Variants in DPH5 observed in about 807,000 individuals in gnomAD.
DPH5 encodes the protein diphthine methyl ester synthase.
A neutral mutation model predicts 31.6 loss-of-function variants in DPH5; 31 were observed. The observed-to-expected ratio is 0.98, with a 90% CI of 0.74 to 1.32. The LOEUF (loss-of-function observed/expected upper bound fraction) is 1.32. DPH5 is among the 40% of genes most tolerant of loss of function. DPH5 has a pLI of 0.00. For synonymous variants in DPH5, 120 were observed against 115.0 expected (o/e 1.04, Z -0.28); for missense variants, 309 against 335.7 (o/e 0.92, Z 0.62).
chr1:101,008,986 AAT>A (rs1447433448), intron 4 of DPH5, among the ~76,000 whole-genome samples: 1 of 152,116 alleles, frequency 6.6e-6, no homozygotes, highest in Non-Finnish European at 1.5e-5. Flanking sequence ...AACAACCATT[AAT>A]TACTTTCTGT....
intron 3 of DPH5, among the ~76,000 whole-genome samples, chr1:101,014,361 C>T (rs1345026022): frequency 6.6e-6 from 1 of 152,148 alleles, no homozygotes; most frequent in Non-Finnish European, 1.5e-5. Flanking sequence ...ATATAGCCAG[C>T]CACATTAATT....
At chr1:101,004,930 C>T (rs1193802746) in intron 4 of DPH5, among the ~76,000 whole-genome samples, 1 of 152,210 alleles carries the variant, frequency 6.6e-6, no homozygotes, top group Non-Finnish European at 1.5e-5. Context: ...TGCCTGACTT[C>T]TCTCTAAACA....
At chr1:101,019,165 T>C (rs561206213) in intron 3 of DPH5, among the ~76,000 whole-genome samples, 2 of 152,328 alleles carry the variant, frequency 1.3e-5, no homozygotes, top group East Asian at 3.9e-4. Context: ...GGATAGAATG[T>C]TTGAGACTGT....
At chr1:100,996,795 G>A (rs375873312) in intron 5 of DPH5, among the ~76,000 whole-genome samples, 2 of 152,198 alleles carry the variant, frequency 1.3e-5, no homozygotes, top group East Asian at 3.9e-4. Context: ...CATATATATT[G>A]GTCTTGTCTT....
In DPH5 at chr1:101,001,406, C is replaced by A. The variant is rs930944279; in HGVS notation, c.490+61G>T. The A allele has an allele frequency of 5.6e-5, 87 of 1,549,194 alleles. 1 individual carries two copies. In the Admixed American group the frequency reaches 1.5e-3, roughly 27 times the overall value. On this transcript the variant is annotated intron_variant, in intron 5 of 7. Coordinates refer to ENST00000370109, the MANE Select transcript of DPH5 (RefSeq NM_015958.3). ...TTATCCACAGACCTTAACACAAAAT[C>A]AAAATGAGAACAGTATGATAGTTCC... is the stretch of plus-strand genomic sequence containing the variant.
At chr1:100,998,397 G>A (rs1175951840) in intron 5 of DPH5, among the ~76,000 whole-genome samples, 3 of 151,704 alleles carry the variant, frequency 2.0e-5, no homozygotes, top group Non-Finnish European at 4.4e-5. Flanking sequence ...TGTAATCCCA[G>A]CCTCAGGAGG....
chr1:101,018,674 A>G (rs1660252250), intron 3 of DPH5, among the ~76,000 whole-genome samples: 1 of 152,334 alleles, frequency 6.6e-6, no homozygotes, highest in South Asian at 2.1e-4. Context: ...AACACTTGGC[A>G]CTATCCTTTT....
chr1:101,009,906 G>A (rs976828982), intron 4 of DPH5, among the ~76,000 whole-genome samples: 4 of 151,892 alleles, frequency 2.6e-5, no homozygotes, highest in Non-Finnish European at 4.4e-5. Context: ...CTCACTTCAG[G>A]GCCTTTGCAC....
intron 2 of DPH5, chr1:101,022,887 TGTAGAGGTCAAGAGTG>T (rs1660559457): frequency 6.6e-6 from 1 of 152,092 alleles, no homozygotes; most frequent in Non-Finnish European, 1.5e-5. Context: ...CACAGTACAG[TGTAGAGGTCAAGAGTG>T]GTAGACCTCG....
rs1314198053 is a variant in DPH5, at chr1:100,990,326, G to A, written c.*82C>T. The A allele has an allele frequency of 3.1e-6, 4 of 1,285,772 alleles. No individual in the cohort carries two copies. Among genetic ancestry groups the A allele is most frequent in the Non-Finnish European group, 4.4e-6 (4 of 901,508 alleles). 79.6% of individuals were successfully genotyped at this position (1,285,772 alleles called of 1,614,324 possible). A position where few individuals can be genotyped will look rare whatever the true frequency, so the allele number is the denominator to read the frequency against. ...AATTATGAGGATTAAAATTCAAGATGAGACTTGGGTGGGGATACATCCAAA... is the reference window on the plus strand; with the variant it reads ...AATTATGAGGATTAAAATTCAAGATAAGACTTGGGTGGGGATACATCCAAA... On this transcript the variant is annotated 3_prime_UTR_variant, in exon 8 of 8. Coordinates refer to ENST00000370109, the MANE Select transcript of DPH5 (RefSeq NM_015958.3).
intron 4 of DPH5, among the ~76,000 whole-genome samples, chr1:101,005,927 G>C (rs1024236798): frequency 2.0e-5 from 3 of 152,110 alleles, no homozygotes; most frequent in Non-Finnish European, 2.9e-5. Flanking sequence ...GGAGGTGAGG[G>C]GGGGAGCAGT....
At chr1:100,995,042 T>G in intron 6 of DPH5, 68 bp downstream of exon 6, 1 of 1,130,036 alleles carries the variant, frequency 8.8e-7, no homozygotes, top group East Asian at 2.4e-5. Context: ...TCAGGTCATT[T>G]AAGTAGAATG....
rs1658961909 is a variant in DPH5 at position 101,002,700 on chromosome 1, C to A, written c.370-1113G>T. Among the ~76,000 whole-genome samples, 2 of 152,238 alleles carry A rather than the reference C, an allele frequency of 1.3e-5. 1 individual carries two copies. Among genetic ancestry groups the A allele is most frequent in the Non-Finnish European group, 2.9e-5 (2 of 68,022 alleles). On this transcript the variant is annotated intron_variant, in intron 4 of 7. Transcript: ENST00000370109. ...TGTGCCTGAAATAGCCATGTGACTT[C>A]AGGAAGTCACTTTTCTCAGCCTTGG...
rs184968679 is a variant in DPH5 at position 101,016,273 on chromosome 1, G to C, written c.261-2455C>G. ...GGAGGGTGAGGCAGGAGAATGGCGTGAACCCGGGAGGCGGAGCTTGCAGTG... is the reference window on the plus strand; with the variant it reads ...GGAGGGTGAGGCAGGAGAATGGCGTCAACCCGGGAGGCGGAGCTTGCAGTG... On this transcript the variant is annotated intron_variant, in intron 3 of 7. Coordinates refer to ENST00000370109, the MANE Select transcript of DPH5 (RefSeq NM_015958.3). Among the ~76,000 whole-genome samples the C allele has an allele frequency of 1.1e-3, 164 of 152,066 alleles. 2 individuals carry two copies. The highest frequency in any genetic ancestry group is 3.8e-3 in the African/African-American group (159 of 41,512).
chr1:101,001,542 T>C lies in DPH5; in HGVS notation c.415A>G (p.Thr139Ala), dbSNP rs772379224. Residue 139 changes from threonine to alanine, a missense_variant, in exon 5 of 8, where the codon ACT becomes GCT. Physicochemically the swap from Thr to Ala is moderately conservative, Grantham distance 58. Transcript: ENST00000370109. ...ETVSIVFWTD[T>A]WRPESFFDKV... ...TCAAAGAAGCTTTCTGGTCTCCAAG[T>C]GTCTGTCCAAAAAACAATAGAAACT... 6.2e-7 allele frequency: 1 copy of C among 1,609,828 alleles called. No individual in the cohort carries two copies. The highest frequency in any genetic ancestry group is 1.1e-5 in the South Asian group (1 of 90,940).
intron 5 of DPH5, 125 bp downstream of exon 5, chr1:101,001,342 T>C (rs1658851510): frequency 3.3e-6 from 3 of 897,164 alleles, no homozygotes; most frequent in Non-Finnish European, 3.3e-6. Flanking sequence ...GTGGTCTGCA[T>C]AGAATGGCTA....
chr1:101,019,967 T>C (rs1395264661), intron 3 of DPH5, among the ~76,000 whole-genome samples: 1 of 152,066 alleles, frequency 6.6e-6, no homozygotes, highest in East Asian at 1.9e-4. Context: ...AGCAAAGAAA[T>C]AGGGGAAGAA....
At position 101,007,366 on chromosome 1, in the gene DPH5, T is replaced by C. The variant is rs150991721; in HGVS notation, c.370-5779A>G. Among the ~76,000 whole-genome samples, 1,197 of 152,304 alleles carry C rather than the reference T, an allele frequency of 7.9e-3. 12 individuals carry two copies. The highest frequency in any genetic ancestry group is 0.027 in the African/African-American group (1,136 of 41,568). The stretch of plus-strand genomic sequence containing the variant: ...CAATGCTAAATGGAAGCAATTCTGA[T>C]TCTGTATGTCTAAGCTAACTGCTTC... On this transcript the variant is annotated intron_variant, in intron 4 of 7. Coordinates refer to ENST00000370109, the MANE Select transcript of DPH5 (RefSeq NM_015958.3).
At chr1:101,016,138 A>G (rs919948106) in intron 3 of DPH5, among the ~76,000 whole-genome samples, 2 of 152,066 alleles carry the variant, frequency 1.3e-5, no homozygotes, top group Non-Finnish European at 2.9e-5. Context: ...ACAGATCACG[A>G]GGTCAGGAGA....
Sources: allele counts gnomAD v4.1 joint callset (sites outside exome capture counted in the v4.1 genomes callset), GRCh38; gene constraint gnomAD v4.1.1; transcripts MANE v1.5; gene names NCBI Gene and HGNC (gene_info 2026-07-23, HGNC 2026-07-21).